CCDC73: variants seen among roughly 807,000 people sequenced by gnomAD.
CCDC73 encodes coiled-coil domain-containing protein 73.
A neutral mutation model predicts 116.5 loss-of-function variants in CCDC73; 95 were observed. The observed-to-expected ratio is 0.82, with a 90% CI of 0.69 to 0.97. The LOEUF (loss-of-function observed/expected upper bound fraction) is 0.97. CCDC73 is among the 50% of genes least tolerant of loss of function. CCDC73 has a pLI of 0.00. For missense variants in CCDC73, 1,066 were observed against 1,206.8 expected (o/e 0.88, Z 1.73); for synonymous variants, 398 against 401.3 (o/e 0.99, Z 0.10).
chr11:32,823,587 A>G, the CCDC73 span, among the ~76,000 whole-genome samples: 7 of 152,096 alleles, frequency 4.6e-5, no homozygotes, highest in Admixed American at 6.6e-5. Flanking sequence ...CAAGAAAGAT[A>G]TACAAATTCA....
At chr11:32,788,667 G>A (rs1334207427) in intron 1 of CCDC73, among the ~76,000 whole-genome samples, 2 of 151,558 alleles carry the variant, frequency 1.3e-5, no homozygotes, top group Non-Finnish European at 2.9e-5. Flanking sequence ...TAGGGATGGG[G>A]TCTCACTATG....
At chr11:32,607,539 T>C (rs1281376422) in intron 17 of CCDC73, among the ~76,000 whole-genome samples, 3 of 152,248 alleles carry the variant, frequency 2.0e-5, no homozygotes, top group Admixed American at 6.5e-5. Context: ...AGCTATCTTA[T>C]AAGGGTTAAG....
Position 32,760,107 on chromosome 11 carries a change from A to C in CCDC73, c.135+2T>G, listed in dbSNP as rs1401263098. ...ACAAAAGCATTTTAAAAAGGAGCTT[A>C]CCCTTCTCATACGCAATTCTTCTAA... On this transcript the variant is annotated splice_donor_variant, in intron 2 of 17. Coordinates refer to ENST00000335185, the MANE Select transcript of CCDC73 (RefSeq NM_001008391.4). LOFTEE classifies it high-confidence loss of function. 6.3e-7 allele frequency: 1 copy of C among 1,595,854 alleles called. No homozygotes were observed. The highest frequency in any genetic ancestry group is 1.8e-5 in the Admixed American group (1 of 55,210).
intron 14 of CCDC73, among the ~76,000 whole-genome samples, chr11:32,628,916 T>G (rs746701144): frequency 6.6e-6 from 1 of 151,822 alleles, no homozygotes; most frequent in African/African-American, 2.4e-5. Context: ...GTTCAAGGAT[T>G]TAAAGGACAA....
intron 2 of CCDC73, among the ~76,000 whole-genome samples, chr11:32,729,616 C>T (rs147193336): frequency 3.0e-4 from 46 of 152,278 alleles, no homozygotes; most frequent in Middle Eastern, 6.8e-3. Flanking sequence ...TCTTCCACGA[C>T]GGTTGAACTA....
chr11:32,726,464 A>AT (rs1329212503), intron 2 of CCDC73, among the ~76,000 whole-genome samples: 1 of 152,170 alleles, frequency 6.6e-6, no homozygotes, highest in East Asian at 1.9e-4. Flanking sequence ...AGAGAGGATT[A>AT]TTAAAGTGAA....
In CCDC73 at chr11:32,673,440, T is replaced by C. The variant is rs1173158029; in HGVS notation, c.645+2125A>G. On this transcript the variant is annotated intron_variant, in intron 9 of 17. Transcript: ENST00000335185. ...AAAATAGTGAAAGTCTATGTATATA[T>C]AAAGGTATAAATGCTTCAATTTTTG... is the stretch of plus-strand genomic sequence containing the variant. Among the ~76,000 whole-genome samples the C allele has an allele frequency of 2.0e-5, 3 of 152,170 alleles. No individual in the cohort carries two copies. In the East Asian group the frequency reaches 5.8e-4, roughly 29 times the overall value.
chr11:32,693,440 C>T (rs892038903), intron 6 of CCDC73, among the ~76,000 whole-genome samples: 8 of 152,182 alleles, frequency 5.3e-5, no homozygotes, highest in Non-Finnish European at 1.0e-4. Context: ...TCTACCTGTA[C>T]TATGTTCTGG....
intron 2 of CCDC73, among the ~76,000 whole-genome samples, chr11:32,718,559 G>C (rs921645978): frequency 6.6e-6 from 1 of 152,174 alleles, no homozygotes; most frequent in Non-Finnish European, 1.5e-5. Context: ...TTACAGAAAA[G>C]GTTGAGAAAA....
At chr11:32,759,215 C>T (rs1264783716) in intron 2 of CCDC73, among the ~76,000 whole-genome samples, 1 of 151,858 alleles carries the variant, frequency 6.6e-6, no homozygotes, top group East Asian at 1.9e-4. Context: ...CTTCCAAGCT[C>T]CAATCTATCC....
intron 1 of CCDC73, among the ~76,000 whole-genome samples, chr11:32,776,257 C>T (rs947594273): frequency 6.6e-6 from 1 of 152,124 alleles, no homozygotes; most frequent in Admixed American, 6.6e-5. Flanking sequence ...TTCCTGTTAT[C>T]CCTTTATTTA....
intron 2 of CCDC73, among the ~76,000 whole-genome samples, chr11:32,740,556 TTTTA>T (rs1850174278): frequency 6.6e-6 from 1 of 152,174 alleles, no homozygotes; most frequent in Non-Finnish European, 1.5e-5. Flanking sequence ...TCATCTCTGA[TTTTA>T]TTTATTTGGG....
chr11:32,715,402 T>C (rs999720565), intron 3 of CCDC73, among the ~76,000 whole-genome samples: 8 of 152,068 alleles, frequency 5.3e-5, no homozygotes, highest in African/African-American at 1.9e-4. Context: ...TGTTCAGAAG[T>C]GTAACTTCTG....
Position 32,700,828 on chromosome 11 carries a change from T to G in CCDC73, c.280-2A>C. 19 of 1,437,596 alleles carry G rather than the reference T, an allele frequency of 1.3e-5. No homozygotes were observed. The highest frequency in any genetic ancestry group is 1.8e-5 in the Non-Finnish European group (19 of 1,063,156). 89.1% of individuals were successfully genotyped at this position (1,437,596 alleles called of 1,614,324 possible). A position where few individuals can be genotyped will look rare whatever the true frequency, so the allele number is the denominator to read the frequency against. On this transcript the variant is annotated splice_acceptor_variant, in intron 4 of 17. Transcript: ENST00000335185. LOFTEE classifies it high-confidence loss of function. Reference sequence around the variant, plus strand: ...CAGGGCACACATCTTCATCTGCAACTGATAAACAATTTTAAAAATTAAAAT... The same window carrying G: ...CAGGGCACACATCTTCATCTGCAACGGATAAACAATTTTAAAAATTAAAAT...
At chr11:32,661,438 T>C (rs140079236) in intron 9 of CCDC73, among the ~76,000 whole-genome samples, 4 of 150,960 alleles carry the variant, frequency 2.6e-5, no homozygotes, top group African/African-American at 9.8e-5. Context: ...CTCCTAATGC[T>C]ATCCCTCCCC....
At chr11:32,816,729 T>C in the CCDC73 span, among the ~76,000 whole-genome samples, 2 of 152,342 alleles carry the variant, frequency 1.3e-5, no homozygotes, top group South Asian at 2.1e-4. Context: ...ATCTCCCCTA[T>C]GTAATCTTTA....
At chr11:32,701,971 G>T (rs1714843610) in intron 4 of CCDC73, among the ~76,000 whole-genome samples, 1 of 152,170 alleles carries the variant, frequency 6.6e-6, no homozygotes, top group African/African-American at 2.4e-5. Flanking sequence ...CTTGCCCAAA[G>T]TCCTTTGTGA....
chr11:32,782,207 T>C (rs933322099), intron 1 of CCDC73, among the ~76,000 whole-genome samples: 5 of 152,196 alleles, frequency 3.3e-5, no homozygotes, highest in Admixed American at 2.0e-4. Flanking sequence ...TGGTGAGTTG[T>C]ATAATTATTT....
intron 9 of CCDC73, among the ~76,000 whole-genome samples, chr11:32,670,339 G>A (rs575112159): frequency 5.9e-5 from 9 of 152,042 alleles, no homozygotes; most frequent in East Asian, 1.9e-4. Context: ...TGGTTAACAC[G>A]GTGAAACCCC....
Sources: gnomAD v4.1 joint callset for allele counts (sites outside exome capture counted in the v4.1 genomes callset) on GRCh38, gnomAD v4.1.1 for gene constraint, MANE v1.5 for transcripts, NCBI Gene and HGNC (gene_info 2026-07-23, HGNC 2026-07-21) for gene names.